Variants in RAPGEF5 observed in about 807,000 individuals in gnomAD.
The protein encoded by RAPGEF5 is M-Ras-regulated GEF.
In RAPGEF5, 65 loss-of-function variants were observed where a neutral mutation model predicts 125.2. The observed-to-expected ratio is 0.52, with a 90% CI of 0.43 to 0.64. The LOEUF (loss-of-function observed/expected upper bound fraction) is 0.64, where lower values mean the gene tolerates loss of function less well. Among genes scored for constraint, RAPGEF5 ranks in the 30% least tolerant of loss-of-function variants. The probability of loss-of-function intolerance (pLI) is 0.00; values close to 1 mark genes in which losing one functional copy is unlikely to be tolerated. For missense variants in RAPGEF5, 958 were observed against 1,048.1 expected (o/e 0.91, Z 1.19); for synonymous variants, 391 against 385.9 (o/e 1.01, Z -0.16).
At chr7:22,312,177 C>T (rs1783485715) in intron 3 of RAPGEF5, among the ~76,000 whole-genome samples, 2 of 151,428 alleles carry the variant, frequency 1.3e-5, no homozygotes, top group African/African-American at 4.8e-5. Context: ...GATTCTGATG[C>T]GGTAAGACTG....
intron 10 of RAPGEF5, 87 bp downstream of exon 10, chr7:22,193,828 G>A (rs1339571989): frequency 1.2e-6 from 2 of 1,611,828 alleles, no homozygotes; most frequent in East Asian, 2.2e-5. Context: ...GAGGCAGAGA[G>A]CGAGTGAGAT....
chr7:22,254,224 C>G (rs141965051), intron 7 of RAPGEF5, among the ~76,000 whole-genome samples: 1 of 151,772 alleles, frequency 6.6e-6, no homozygotes, highest in African/African-American at 2.4e-5. Flanking sequence ...CTTAAAACCT[C>G]TAAGTTTTCC....
intron 9 of RAPGEF5, among the ~76,000 whole-genome samples, chr7:22,215,209 T>C (rs1362158): frequency 0.91 from 137,838 of 152,214 alleles, 62,601 homozygotes; most frequent in East Asian, 0.99. Flanking sequence ...ACACCCCCAA[T>C]TCTTGGTATT....
chr7:22,151,908 C>T (rs1229097304), intron 17 of RAPGEF5, among the ~76,000 whole-genome samples: 1 of 152,060 alleles, frequency 6.6e-6, no homozygotes, highest in African/African-American at 2.4e-5. Context: ...TGTTCCTATC[C>T]TTTGACCATT....
intron 6 of RAPGEF5, among the ~76,000 whole-genome samples, chr7:22,286,479 T>G (rs866916262): frequency 2.0e-5 from 3 of 152,230 alleles, no homozygotes; most frequent in African/African-American, 7.2e-5. Flanking sequence ...ACATAAAAAC[T>G]TAGCCTTAAA....
At chr7:22,281,025 A>C (rs544793089) in intron 6 of RAPGEF5, among the ~76,000 whole-genome samples, 18 of 152,326 alleles carry the variant, frequency 1.2e-4, no homozygotes, top group Admixed American at 2.6e-4. Flanking sequence ...CCTTTGGCTT[A>C]GGATTGGGAG....
chr7:22,325,574 TA>T (rs761114863), intron 1 of RAPGEF5, among the ~76,000 whole-genome samples: 58 of 152,268 alleles, frequency 3.8e-4, no homozygotes, highest in South Asian at 8.3e-4. Context: ...TAAATATATG[TA>T]ATTTTTTAAA....
intron 5 of RAPGEF5, among the ~76,000 whole-genome samples, chr7:22,291,869 T>C (rs1429049990): frequency 6.6e-6 from 1 of 152,224 alleles, no homozygotes; most frequent in African/African-American, 2.4e-5. Context: ...GTTTGTTTGT[T>C]TGTTTGGGGA....
In RAPGEF5 at chr7:22,140,110, T is replaced by G. The variant is rs1332374182; in HGVS notation, c.2192A>C (p.Lys731Thr). The part of the protein sequence containing the change: ...KKFIKIAAHC[K>T]AQRNLNSFFA... ...GAAAGAATTCAGGTTTCTCTGGGCT[T>G]TGCAGCTATAAAATAAAAGAGAGTA... is the stretch of plus-strand genomic sequence containing the variant. The change falls in exon 21 of 26, where the codon AAA (lysine) becomes ACA (threonine). Residue 731 changes from lysine (K) to threonine (T), a missense_variant. Coordinates refer to ENST00000665637, the MANE Select transcript of RAPGEF5 (RefSeq NM_012294.5). 2.6e-6 allele frequency: 4 copies of G among 1,555,742 alleles called. No individual in the cohort carries two copies. In the Admixed American group the frequency reaches 7.8e-5, roughly 30 times the overall value.
intron 25 of RAPGEF5, among the ~76,000 whole-genome samples, chr7:22,123,688 T>C (rs534371154): frequency 3.0e-4 from 45 of 152,342 alleles, no homozygotes; most frequent in African/African-American, 1.0e-3. Context: ...GTAAACACAC[T>C]AGGTGTTAAA....
chr7:22,329,668 C>A (rs1465501201), intron 1 of RAPGEF5, among the ~76,000 whole-genome samples: 1 of 152,186 alleles, frequency 6.6e-6, no homozygotes, highest in Non-Finnish European at 1.5e-5. Flanking sequence ...AGAATGGGTT[C>A]TGTGTCATAG....
chr7:22,253,371 C>G (rs1786672087), intron 7 of RAPGEF5, among the ~76,000 whole-genome samples: 1 of 152,150 alleles, frequency 6.6e-6, no homozygotes, highest in African/African-American at 2.4e-5. Flanking sequence ...CTGCTGGACA[C>G]AGTATCGAGG....
At chr7:22,179,282 G>A (rs1784601490) in intron 11 of RAPGEF5, among the ~76,000 whole-genome samples, 1 of 152,060 alleles carries the variant, frequency 6.6e-6, no homozygotes, top group Admixed American at 6.6e-5. Context: ...TTTCTTATAT[G>A]AAAAATGTTT....
chr7:22,286,756 A>G (rs1270067215), intron 6 of RAPGEF5, among the ~76,000 whole-genome samples: 1 of 152,234 alleles, frequency 6.6e-6, no homozygotes, highest in African/African-American at 2.4e-5. Flanking sequence ...GGTTTGAGCA[A>G]GCAGACCCCT....
intron 7 of RAPGEF5, among the ~76,000 whole-genome samples, chr7:22,259,819 C>G (rs1202514703): frequency 6.6e-6 from 1 of 152,174 alleles, no homozygotes; most frequent in South Asian, 2.1e-4. Flanking sequence ...ATGGTTGTCT[C>G]GAACTCCTGA....
chr7:22,267,803 C>T (rs898274181), intron 6 of RAPGEF5, among the ~76,000 whole-genome samples: 1 of 151,614 alleles, frequency 6.6e-6, no homozygotes, highest in African/African-American at 2.4e-5. Context: ...CTCTCCCCTT[C>T]AGGACACAAA....
At chr7:22,270,494 A>G (rs1782393106) in intron 6 of RAPGEF5, among the ~76,000 whole-genome samples, 1 of 152,220 alleles carries the variant, frequency 6.6e-6, no homozygotes, top group Non-Finnish European at 1.5e-5. Flanking sequence ...CCATGCCTGA[A>G]ATAGAGCCAC....
intron 1 of RAPGEF5, among the ~76,000 whole-genome samples, chr7:22,345,414 C>G (rs143833100): frequency 6.6e-6 from 1 of 152,318 alleles, no homozygotes; most frequent in East Asian, 1.9e-4. Flanking sequence ...AGCAGCAGCT[C>G]AGGCTTACTG....
chr7:22,204,976 T>C (rs1785366262), intron 9 of RAPGEF5, among the ~76,000 whole-genome samples: 1 of 152,094 alleles, frequency 6.6e-6, no homozygotes, highest in Admixed American at 6.5e-5. Flanking sequence ...AGGGAGGGAA[T>C]AGGTGTGGAG....
Sources: gnomAD v4.1 joint callset for allele counts (sites outside exome capture counted in the v4.1 genomes callset) on GRCh38, gnomAD v4.1.1 for gene constraint, MANE v1.5 for transcripts, NCBI Gene and HGNC (gene_info 2026-07-23, HGNC 2026-07-21) for gene names.